The following RALYL variants were observed in gnomAD, a reference collection of about 807,000 sequenced individuals.
The protein encoded by RALYL is RNA-binding Raly-like protein.
Under a neutral mutation model 35.1 loss-of-function variants are expected in RALYL, and 29 were observed. The ratio of observed to expected loss-of-function variants is 0.83; its 90% confidence interval spans 0.61 to 1.13. The LOEUF (loss-of-function observed/expected upper bound fraction) is 1.13, where lower values mean the gene tolerates loss of function less well. Ranked by LOEUF, RALYL falls within the 50% of genes most tolerant of loss-of-function variation. RALYL has a pLI of 0.00. For missense variants in RALYL, 359 were observed against 360.4 expected, an observed-to-expected ratio of 1.00 and a Z score of 0.03; for synonymous variants, 120 against 127.6, an observed-to-expected ratio of 0.94 and a Z score of 0.40.
chr8:84,424,063 G>A (rs1295549324), intron 1 of RALYL, among the ~76,000 whole-genome samples: 11 of 151,896 alleles, frequency 7.2e-5, no homozygotes, highest in South Asian at 2.1e-4. Flanking sequence ...TCTTTGTGGC[G>A]TTCTCTCTAT....
At chr8:84,464,675 G>A (rs199779726) in intron 1 of RALYL, among the ~76,000 whole-genome samples, 1 of 151,830 alleles carries the variant, frequency 6.6e-6, no homozygotes, top group Non-Finnish European at 1.5e-5. Flanking sequence ...ATGGCTGGGT[G>A]AAATGGTATT....
chr8:84,295,750 T>A (rs1003595556), intron 1 of RALYL, among the ~76,000 whole-genome samples: 11 of 152,122 alleles, frequency 7.2e-5, no homozygotes, highest in African/African-American at 2.7e-4. Context: ...TCATGTCAAA[T>A]TCATAATCAC....
At chr8:84,185,903 G>A (rs1192339530) in intron 1 of RALYL, among the ~76,000 whole-genome samples, 1 of 152,102 alleles carries the variant, frequency 6.6e-6, no homozygotes, top group Non-Finnish European at 1.5e-5. Context: ...AAGGTTTTAC[G>A]CCTTAGTTTT....
chr8:84,277,283 C>T (rs1835582710), intron 1 of RALYL, among the ~76,000 whole-genome samples: 1 of 152,152 alleles, frequency 6.6e-6, no homozygotes, highest in Non-Finnish European at 1.5e-5. Context: ...GGGGAGCTCC[C>T]ATTTATAAAA....
intron 1 of RALYL, among the ~76,000 whole-genome samples, chr8:84,339,879 T>C (rs1428075725): frequency 6.6e-6 from 1 of 152,106 alleles, no homozygotes; most frequent in African/African-American, 2.4e-5. Flanking sequence ...TTATGTGATA[T>C]GGTTTGGCTG....
chr8:84,690,470 G>T (rs1399949365), intron 2 of RALYL, among the ~76,000 whole-genome samples: 2 of 152,078 alleles, frequency 1.3e-5, no homozygotes, highest in Non-Finnish European at 2.9e-5. Flanking sequence ...CAGAATGGTG[G>T]CTATAGCTAG....
At position 84,721,875 on chromosome 8, in the gene RALYL, C is replaced by T. The variant is rs188965471; in HGVS notation, c.257-52704C>T. On this transcript the variant is annotated intron_variant, in intron 2 of 8. Transcript: ENST00000521268. ...ATAATGCACACTTTCTTACTCTGTT[C>T]TTTCATTGTCTTCTCCATTATTACT... Among the ~76,000 whole-genome samples the T allele has an allele frequency of 3.7e-3, 561 of 152,184 alleles. 5 individuals are homozygous for T. The highest frequency in any genetic ancestry group is 0.013 in the African/African-American group (520 of 41,536).
intron 1 of RALYL, among the ~76,000 whole-genome samples, chr8:84,218,171 A>G (rs2131268485): frequency 6.6e-6 from 1 of 151,964 alleles, no homozygotes; most frequent in East Asian, 1.9e-4. Context: ...GTCATAGAAA[A>G]TTTATTTAAG....
chr8:84,511,840 C>G (rs1016302146), intron 1 of RALYL, among the ~76,000 whole-genome samples: 4 of 152,186 alleles, frequency 2.6e-5, no homozygotes, highest in African/African-American at 7.2e-5. Flanking sequence ...ATAATGACCT[C>G]TAGCTCCATC....
intron 1 of RALYL, among the ~76,000 whole-genome samples, chr8:84,348,283 G>C (rs2131014029): frequency 6.6e-6 from 1 of 152,202 alleles, no homozygotes; most frequent in East Asian, 1.9e-4. Flanking sequence ...CTTTGCACCA[G>C]GCTATACTGT....
intron 1 of RALYL, among the ~76,000 whole-genome samples, chr8:84,357,446 A>T (rs117715450): frequency 0.043 from 6,603 of 152,030 alleles, 191 homozygotes; most frequent in Middle Eastern, 0.092. Context: ...GCCAAGCCCT[A>T]AAAGAATCTA....
intron 8 of RALYL, among the ~76,000 whole-genome samples, chr8:84,915,001 G>A (rs1325722442): frequency 6.6e-6 from 1 of 152,036 alleles, no homozygotes; most frequent in Non-Finnish European, 1.5e-5. Context: ...GGGCAGACAG[G>A]CAAATCATTC....
intron 1 of RALYL, among the ~76,000 whole-genome samples, chr8:84,527,506 TTTCTAAAAATA>T (rs2058988147): frequency 2.0e-5 from 3 of 152,170 alleles, no homozygotes; most frequent in Non-Finnish European, 4.4e-5. Context: ...CTCTATGGTG[TTTCTAAAAATA>T]TATGTCACAT....
chr8:84,240,496 C>A (rs974758403), intron 1 of RALYL, among the ~76,000 whole-genome samples: 1 of 152,156 alleles, frequency 6.6e-6, no homozygotes, highest in East Asian at 1.9e-4. Context: ...AAATAACATG[C>A]ATTCTTGTAG....
chr8:84,350,372 C>T lies in RALYL; in HGVS notation c.-24+165948C>T, dbSNP rs1850665440. 1.3e-5 allele frequency among the ~76,000 whole-genome samples: 2 copies of T among 150,458 alleles called. 1 individual carries two copies. Among genetic ancestry groups the T allele is most frequent in the African/African-American group, 4.9e-5 (2 of 40,492 alleles). ...ATAGTTGCTGTTGAGTGCTGTTTTTCAAGTGTTTTTGTAAAATGAAGAATT... is the reference window on the plus strand; with the variant it reads ...ATAGTTGCTGTTGAGTGCTGTTTTTTAAGTGTTTTTGTAAAATGAAGAATT... On this transcript the variant is annotated intron_variant, in intron 1 of 8. Transcript: ENST00000521268.
chr8:84,345,781 A>G (rs771809747), intron 1 of RALYL, among the ~76,000 whole-genome samples: 1 of 152,114 alleles, frequency 6.6e-6, no homozygotes, highest in Non-Finnish European at 1.5e-5. Context: ...AATATGAGTG[A>G]ACGAGAAAGA....
At chr8:84,430,275 T>C (rs953322942) in intron 1 of RALYL, among the ~76,000 whole-genome samples, 1 of 152,158 alleles carries the variant, frequency 6.6e-6, no homozygotes, top group African/African-American at 2.4e-5. Context: ...TCTTTTGGAC[T>C]CCAAAGCATA....
At chr8:84,451,557 G>T in intron 1 of RALYL, among the ~76,000 whole-genome samples, 1 of 151,904 alleles carries the variant, frequency 6.6e-6, no homozygotes, top group South Asian at 2.1e-4. Context: ...AATATCCCTT[G>T]CCTAGGTGTT....
intron 1 of RALYL, chr8:84,184,874 C>T: frequency 8.6e-7 from 1 of 1,161,046 alleles, no homozygotes; most frequent in Non-Finnish European, 1.3e-6. Flanking sequence ...GGGGTAGAAG[C>T]GGCAGAGACC....
Sources: allele counts gnomAD v4.1 joint callset (sites outside exome capture counted in the v4.1 genomes callset), GRCh38; gene constraint gnomAD v4.1.1; transcripts MANE v1.5; gene names NCBI Gene and HGNC (gene_info 2026-07-23, HGNC 2026-07-21).